The following ITGAE variants were observed in gnomAD, a reference collection of about 807,000 sequenced individuals.
ITGAE encodes integrin subunit alpha E, also known as integrin alpha-E.
In ITGAE, 99 loss-of-function variants were observed where a neutral mutation model predicts 136.5. That is an observed-to-expected ratio of 0.73 (90% confidence interval 0.62 to 0.86). The LOEUF is 0.86. Among genes scored for constraint, ITGAE ranks in the 40% least tolerant of loss-of-function variants. The probability of loss-of-function intolerance (pLI) is 0.00; values close to 1 mark genes in which losing one functional copy is unlikely to be tolerated. For missense variants in ITGAE, 1,447 were observed against 1,515.3 expected (o/e 0.95, Z 0.75); for synonymous variants, 613 against 591.8 (o/e 1.04, Z -0.52).
chr17:3,733,116 T>C (rs575811702), intron 21 of ITGAE, among the ~76,000 whole-genome samples: 3 of 152,178 alleles, frequency 2.0e-5, no homozygotes, highest in African/African-American at 7.2e-5. Flanking sequence ...CCCAAGTAGC[T>C]GGGATTATAG....
chr17:3,733,822 T>G lies in ITGAE; in HGVS notation c.2655+995A>C, dbSNP rs375830910. On this transcript the variant is annotated intron_variant, in intron 21 of 30. Transcript: ENST00000263087. ...CAGATGAAATGTAAATAAAGTCCTG[T>G]TTTGATGGTAAAGCAGGGCTGAGTG... Among the ~76,000 whole-genome samples, 80 of 152,252 alleles carry G rather than the reference T, an allele frequency of 5.3e-4. 3 individuals are homozygous for G. The South Asian group carries it at 0.016, about 31-fold the overall frequency.
At chr17:3,777,798 GAA>G in intron 1 of ITGAE, 138 bp from the exon 2 acceptor site, 4 of 1,019,126 alleles carry the variant, frequency 3.9e-6, no homozygotes, top group Non-Finnish European at 5.5e-6. Flanking sequence ...GTGTGAGAGA[GAA>G]AGACTAGACG....
intron 28 of ITGAE, 105 bp from the exon 29 acceptor site, chr17:3,720,507 C>A: frequency 3.1e-6 from 2 of 639,642 alleles, no homozygotes; most frequent in Non-Finnish European, 2.8e-6. Flanking sequence ...TATTCCTGGG[C>A]TTAGTTAATG....
In ITGAE at chr17:3,799,131, T is replaced by A. The variant is rs1257515105; in HGVS notation, c.34+1980A>T. Among the ~76,000 whole-genome samples, 1 of 151,968 alleles carries A rather than the reference T, an allele frequency of 6.6e-6. No homozygotes were observed. Among genetic ancestry groups the A allele is most frequent in the East Asian group, 1.9e-4 (1 of 5,170 alleles). ...TCTGAGGGAGTTCTTCCTCCCAGCA[T>A]CTCCTGGACATTTTCTTTCTCAGAC... is the stretch of plus-strand genomic sequence containing the variant. On this transcript the variant is annotated intron_variant, in intron 1 of 30. Coordinates refer to ENST00000263087, the MANE Select transcript of ITGAE (RefSeq NM_002208.5). This position sits in a 1 kb window ranked among gnomAD's most constrained non-coding sequence, Gnocchi z 4.1.
chr17:3,782,545 T>G (rs988689247), intron 1 of ITGAE, among the ~76,000 whole-genome samples: 2 of 151,852 alleles, frequency 1.3e-5, no homozygotes, highest in Admixed American at 6.6e-5. Context: ...TTTTTGTATT[T>G]TTAGTAGAGA....
At chr17:3,715,163 AC>A (rs1229303566) in intron 30 of ITGAE, among the ~76,000 whole-genome samples, 1 of 152,182 alleles carries the variant, frequency 6.6e-6, no homozygotes, top group Non-Finnish European at 1.5e-5. Flanking sequence ...CTTCCTCTGA[AC>A]CCTGCTCTCC....
intron 30 of ITGAE, 130 bp downstream of exon 30, chr17:3,716,558 A>G: frequency 1.5e-6 from 1 of 662,676 alleles, no homozygotes; most frequent in South Asian, 1.8e-5. Flanking sequence ...TGTGCAGTTG[A>G]AGGAGGAGAA....
At chr17:3,782,839 C>T (rs544611148) in intron 1 of ITGAE, among the ~76,000 whole-genome samples, 83 of 152,192 alleles carry the variant, frequency 5.5e-4, no homozygotes, top group African/African-American at 1.7e-3. Flanking sequence ...TGAGTAAACA[C>T]GATATAAGGA....
intron 2 of ITGAE, among the ~76,000 whole-genome samples, chr17:3,775,699 A>C (rs1316087927): frequency 2.0e-5 from 3 of 150,656 alleles, no homozygotes; most frequent in African/African-American, 7.3e-5. Context: ...CGAATTCCTG[A>C]CCTCAGGTGA....
rs561268756 is a variant in ITGAE, at chr17:3,798,493, C to T, written c.34+2618G>A. Among the ~76,000 whole-genome samples, 1 of 152,150 alleles carries T rather than the reference C, an allele frequency of 6.6e-6. No individual in the cohort carries two copies. Among genetic ancestry groups the T allele is most frequent in the Admixed American group, 6.5e-5 (1 of 15,290 alleles). The stretch of plus-strand genomic sequence containing the variant: ...TATCCCCCCTGCACAGAAGGCCCCT[C>T]TGCTCACCCCCAGCCTGTACTTGCC... On this transcript the variant is annotated intron_variant, in intron 1 of 30. Coordinates refer to ENST00000263087, the MANE Select transcript of ITGAE (RefSeq NM_002208.5). This position sits in a 1 kb window ranked among gnomAD's most constrained non-coding sequence, Gnocchi z 4.3.
chr17:3,746,851 A>C (rs2051729309), intron 17 of ITGAE, among the ~76,000 whole-genome samples: 1 of 152,188 alleles, frequency 6.6e-6, no homozygotes, highest in South Asian at 2.1e-4. Flanking sequence ...TCGGCCTCCC[A>C]AAGTGCTGGG....
At chr17:3,784,272 T>TA in intron 1 of ITGAE, 1 of 340,720 alleles carries the variant, frequency 2.9e-6, no homozygotes, top group Non-Finnish European at 5.5e-6. Context: ...AAAAATAAAA[T>TA]AAAATAAAAA....
At chr17:3,761,714 C>T (rs1462859305) in intron 4 of ITGAE, among the ~76,000 whole-genome samples, 194 bp from the exon 5 acceptor site, 2 of 152,316 alleles carry the variant, frequency 1.3e-5, no homozygotes, top group East Asian at 3.9e-4. Context: ...CAGGAGTGTG[C>T]TGGGTCACAG....
At chr17:3,765,506 G>A (rs866004181) in intron 2 of ITGAE, among the ~76,000 whole-genome samples, 1 of 151,776 alleles carries the variant, frequency 6.6e-6, no homozygotes, top group Non-Finnish European at 1.5e-5. Context: ...TTCACGTATC[G>A]GCATGGCTTA....
At chr17:3,729,910 A>C (rs1221552960) in intron 23 of ITGAE, among the ~76,000 whole-genome samples, 1 of 152,074 alleles carries the variant, frequency 6.6e-6, no homozygotes, top group East Asian at 1.9e-4. Flanking sequence ...TTTAAGTTCC[A>C]GGGTACATGT....
chr17:3,783,948 A>G (rs1415827147), intron 1 of ITGAE, among the ~76,000 whole-genome samples: 3 of 152,266 alleles, frequency 2.0e-5, no homozygotes, highest in African/African-American at 4.8e-5. Flanking sequence ...CACTTTAATT[A>G]AGCCTTTTAC....
At chr17:3,752,149 G>A (rs982222438) in intron 14 of ITGAE, among the ~76,000 whole-genome samples, 1 of 152,180 alleles carries the variant, frequency 6.6e-6, no homozygotes, top group African/African-American at 2.4e-5. Context: ...CACTGGCCAG[G>A]GACCTTCCCA....
In ITGAE at chr17:3,747,949, T is replaced by C. The variant is rs758856773; in HGVS notation, c.2128A>G (p.Ser710Gly). ...GACTCAGAGGCTGTGGTTACAGAGCTGATTTCAAAACATAAACGGACATTC... is the reference window on the plus strand; with the variant it reads ...GACTCAGAGGCTGTGGTTACAGAGCCGATTTCAAAACATAAACGGACATTC... ...VVNVRLCFEI[S>G]SVTTASESGL... Residue 710 changes from serine (S) to glycine (G), a missense_variant, in exon 17 of 31, where the codon AGC (serine) becomes GGC (glycine). Around this residue, in one of 3 missense-constraint regions of ITGAE, gnomAD observed 1,031 missense variants for 1,011.4 expected, o/e 1.02. Coordinates refer to ENST00000263087, the MANE Select transcript of ITGAE (RefSeq NM_002208.5). 2 of 1,601,706 alleles carry C rather than the reference T, an allele frequency of 1.2e-6. No homozygotes were observed. Among genetic ancestry groups the C allele is most frequent in the African/African-American group, 2.7e-5 (2 of 74,390 alleles).
intron 1 of ITGAE, among the ~76,000 whole-genome samples, chr17:3,790,541 A>G (rs2052914349): frequency 6.6e-6 from 1 of 152,028 alleles, no homozygotes; most frequent in African/African-American, 2.4e-5. Context: ...CAAAAGAAAA[A>G]GAGGTGAAAT....
Sources: gnomAD v4.1 joint callset for allele counts (sites outside exome capture counted in the v4.1 genomes callset) on GRCh38, gnomAD v4.1.1 for gene constraint, gnomAD v4.1.1 regional missense constraint, Gnocchi (gnomAD v3.1) non-coding constraint, MANE v1.5 for transcripts, NCBI Gene and HGNC (gene_info 2026-07-23, HGNC 2026-07-21) for gene names.